Variants in PRKN observed in about 807,000 individuals in gnomAD.
The protein encoded by PRKN is E3 ubiquitin-protein ligase parkin.
PRKN carries 56 observed loss-of-function variants against 59.5 expected under a neutral mutation model. That is an observed-to-expected ratio of 0.94 (90% CI 0.76 to 1.18). The LOEUF (loss-of-function observed/expected upper bound fraction) is 1.18, where lower values mean the gene tolerates loss of function less well. PRKN is among the 50% of genes most tolerant of loss of function. The probability of loss-of-function intolerance (pLI) is 0.00; values close to 1 mark genes in which losing one functional copy is unlikely to be tolerated. For synonymous variants in PRKN, 250 were observed against 222.1 expected (o/e 1.13, Z -1.12); for missense variants, 657 against 596.4 (o/e 1.10, Z -1.06).
chr6:161,992,711 G>A (rs1382643808), intron 5 of PRKN, among the ~76,000 whole-genome samples: 1 of 152,134 alleles, frequency 6.6e-6, no homozygotes, highest in Non-Finnish European at 1.5e-5. Flanking sequence ...CATAAAAGAA[G>A]TCTCAAGAAA....
At chr6:162,129,986 C>T (rs1354912174) in intron 4 of PRKN, among the ~76,000 whole-genome samples, 2 of 152,078 alleles carry the variant, frequency 1.3e-5, no homozygotes, top group African/African-American at 4.8e-5. Context: ...GTCTCAGAGG[C>T]TTTAGAATTG....
At chr6:161,664,546 C>A (rs946061206) in intron 7 of PRKN, among the ~76,000 whole-genome samples, 2 of 151,872 alleles carry the variant, frequency 1.3e-5, no homozygotes, top group African/African-American at 2.4e-5. Context: ...GGAAAAAATC[C>A]TAGGGTAAAA....
At chr6:161,900,613 G>A (rs536242552) in intron 6 of PRKN, among the ~76,000 whole-genome samples, 2 of 89,180 alleles carry the variant, frequency 2.2e-5, no homozygotes, top group Admixed American at 2.6e-4. Flanking sequence ...TTAATATACT[G>A]TAGTATATAC....
intron 6 of PRKN, among the ~76,000 whole-genome samples, chr6:161,885,630 A>G (rs947510041): frequency 6.7e-5 from 10 of 148,232 alleles, no homozygotes; most frequent in Non-Finnish European, 1.0e-4. Flanking sequence ...GCACCACTGC[A>G]CTCCAGCCTG....
chr6:161,994,632 T>C (rs1385763535), intron 5 of PRKN, among the ~76,000 whole-genome samples: 1 of 150,572 alleles, frequency 6.6e-6, no homozygotes, highest in Non-Finnish European at 1.5e-5. Context: ...GGACACAAAA[T>C]CAACATGCAA....
intron 4 of PRKN, among the ~76,000 whole-genome samples, chr6:162,105,253 G>A (rs1246939896): frequency 6.6e-6 from 1 of 152,118 alleles, no homozygotes; most frequent in African/African-American, 2.4e-5. Flanking sequence ...CTCAATAGTA[G>A]TGCCAAGTTT....
chr6:161,856,516 T>C (rs1347231985), intron 6 of PRKN, among the ~76,000 whole-genome samples: 6 of 152,200 alleles, frequency 3.9e-5, no homozygotes, highest in African/African-American at 1.4e-4. Context: ...TCATATTTCA[T>C]TTATTAGAAG....
intron 2 of PRKN, among the ~76,000 whole-genome samples, chr6:162,295,769 C>T (rs957337612): frequency 3.3e-5 from 5 of 152,140 alleles, no homozygotes; most frequent in African/African-American, 1.2e-4. Context: ...CACAAGCCTA[C>T]GCTTGCCCTT....
At chr6:161,654,201 A>T (rs1037090751) in intron 7 of PRKN, among the ~76,000 whole-genome samples, 5 of 152,036 alleles carry the variant, frequency 3.3e-5, no homozygotes, top group African/African-American at 9.7e-5. Flanking sequence ...AATTTAGCCA[A>T]TTTTCACATC....
At chr6:161,382,784 G>T (rs1209280201) in intron 10 of PRKN, among the ~76,000 whole-genome samples, 1 of 152,124 alleles carries the variant, frequency 6.6e-6, no homozygotes, top group Non-Finnish European at 1.5e-5. Context: ...TTGCTTTAAA[G>T]AATTATTGCA....
chr6:162,333,946 C>G (rs1039191532), intron 2 of PRKN, among the ~76,000 whole-genome samples: 1 of 152,144 alleles, frequency 6.6e-6, no homozygotes, highest in African/African-American at 2.4e-5. Flanking sequence ...AGCCATATTG[C>G]TGATATGGAG....
chr6:161,860,411 A>G (rs1057488663), intron 6 of PRKN, among the ~76,000 whole-genome samples: 1 of 152,196 alleles, frequency 6.6e-6, no homozygotes, highest in African/African-American at 2.4e-5. Context: ...GGACTTGAAA[A>G]GGAAATTAAT....
At chr6:161,624,662 C>G (rs1008054923) in intron 7 of PRKN, among the ~76,000 whole-genome samples, 23 of 152,348 alleles carry the variant, frequency 1.5e-4, no homozygotes, top group Middle Eastern at 6.8e-3. Flanking sequence ...ATAGGAATCG[C>G]ATGCCTCTGA....
chr6:162,328,687 G>A (rs1482447703), intron 2 of PRKN, among the ~76,000 whole-genome samples: 2 of 152,186 alleles, frequency 1.3e-5, no homozygotes, highest in African/African-American at 4.8e-5. Flanking sequence ...CCTGGAAAGA[G>A]GAACCAAGCC....
rs1224178305 is a variant in PRKN at position 161,554,773 on chromosome 6, T to C, written c.934-5770A>G. On this transcript the variant is annotated intron_variant, in intron 8 of 11. Coordinates refer to ENST00000366898, the MANE Select transcript of PRKN (RefSeq NM_004562.3). This position sits in a 1 kb window ranked among gnomAD's most constrained non-coding sequence, Gnocchi z 4.5. Reference sequence around the variant, plus strand: ...ATATATACATACACACTTATATTTATACATACTTCCCCCTTGAGTATCTGA... The same window carrying C: ...ATATATACATACACACTTATATTTACACATACTTCCCCCTTGAGTATCTGA... Among the ~76,000 whole-genome samples the C allele has an allele frequency of 2.6e-5, 4 of 151,432 alleles. No homozygotes were observed. Among genetic ancestry groups the C allele is most frequent in the Non-Finnish European group, 5.9e-5 (4 of 67,858 alleles).
intron 6 of PRKN, among the ~76,000 whole-genome samples, chr6:161,925,969 C>A (rs996714712): frequency 6.6e-5 from 10 of 152,142 alleles, no homozygotes; most frequent in African/African-American, 2.4e-4. Flanking sequence ...TTATTATTCC[C>A]AATTTAAAAT....
chr6:162,036,232 G>A (rs1005670096), intron 5 of PRKN, among the ~76,000 whole-genome samples: 3 of 151,900 alleles, frequency 2.0e-5, no homozygotes, highest in Non-Finnish European at 4.4e-5. Flanking sequence ...GCTGCGGCAG[G>A]AGAATGGCGT....
intron 1 of PRKN, among the ~76,000 whole-genome samples, chr6:162,591,518 C>T (rs1781307518): frequency 6.6e-6 from 1 of 152,010 alleles, no homozygotes; most frequent in African/African-American, 2.4e-5. Context: ...TAAGATTATT[C>T]TTGTGAAGAA....
chr6:162,260,169 A>T (rs1382450511), intron 3 of PRKN, among the ~76,000 whole-genome samples: 1 of 152,154 alleles, frequency 6.6e-6, no homozygotes, highest in Non-Finnish European at 1.5e-5. Flanking sequence ...CAACTGCACC[A>T]TGTAGAGTTG....
Sources: gnomAD v4.1 joint callset for allele counts (sites outside exome capture counted in the v4.1 genomes callset) on GRCh38, gnomAD v4.1.1 for gene constraint, Gnocchi (gnomAD v3.1) non-coding constraint, MANE v1.5 for transcripts, NCBI Gene and HGNC (gene_info 2026-07-23, HGNC 2026-07-21) for gene names.